OR13G1: variants seen among roughly 807,000 people sequenced by gnomAD.
OR13G1 encodes the protein olfactory receptor family 13 subfamily G member 1.
For synonymous variants in OR13G1, 128 were observed against 136.2 expected, an observed-to-expected ratio of 0.94 and a Z score of 0.42; for missense variants, 369 against 385.7, an observed-to-expected ratio of 0.96 and a Z score of 0.36.
rs974497675 is a variant in OR13G1 at position 247,671,844 on chromosome 1, A to G, written c.*274T>C. The stretch of plus-strand genomic sequence containing the variant: ...TATAGGTAAATATTTGTGTATATGC[A>G]TATATAAGTATTCGAAGTTATGTAC... On this transcript the variant is annotated 3_prime_UTR_variant, in exon 2 of 2. Coordinates refer to ENST00000642119, the MANE Select transcript of OR13G1 (RefSeq NM_001005487.2). The G allele has an allele frequency of 4.8e-6, 2 of 413,862 alleles. No homozygotes were observed. The highest frequency in any genetic ancestry group is 4.0e-5 in the African/African-American group (2 of 50,338). The allele number at this position is 413,862 out of a possible 1,614,324, so 25.6% of individuals were successfully genotyped here.
rs151260652 is a variant in OR13G1, at chr1:247,679,013, T to C, written c.-239+627A>G. Reference sequence around the variant, plus strand: ...TCACATTTACATTGTTTTCTAAGTTTTGGAAGAAATCTTTTTTTTTTTAAA... The same window carrying C: ...TCACATTTACATTGTTTTCTAAGTTCTGGAAGAAATCTTTTTTTTTTTAAA... On this transcript the variant is annotated intron_variant, in intron 1 of 1. Transcript: ENST00000642119. Among the ~76,000 whole-genome samples, 38 of 130,348 alleles carry C rather than the reference T, an allele frequency of 2.9e-4. No homozygotes were observed. In the East Asian group the frequency reaches 0.01, roughly 36 times the overall value. The allele number at this position is 130,348 out of a possible 152,430, so 85.5% of individuals were successfully genotyped here.
At position 247,672,973 on chromosome 1, in the gene OR13G1, A is replaced by T. The variant is rs770512501; in HGVS notation, c.69T>A (p.Ile23=). Residue 23 remains isoleucine, a synonymous_variant, in exon 2 of 2, where the codon ATT becomes ATA. Coordinates refer to ENST00000642119, the MANE Select transcript of OR13G1 (RefSeq NM_001005487.2). Reference sequence around the variant, plus strand: ...AGACAATGAGAAAAAAGAGGAAGATAATTCCCTGGAGTTCAGGCTTTTTGG... The same window carrying T: ...AGACAATGAGAAAAAAGAGGAAGATTATTCCCTGGAGTTCAGGCTTTTTGG... ...GLTKKPELQG[I]IFLFFLIVYL... 1.2e-6 allele frequency: 2 copies of T among 1,613,990 alleles called. No homozygotes were observed. Among genetic ancestry groups the T allele is most frequent in the South Asian group, 2.2e-5 (2 of 91,080 alleles).
At chr1:247,674,563 G>C (rs1233459308) in intron 1 of OR13G1, among the ~76,000 whole-genome samples, 1 of 152,042 alleles carries the variant, frequency 6.6e-6, no homozygotes, top group Non-Finnish European at 1.5e-5. Context: ...AGAATCTCTA[G>C]CTTTAGTATT....
chr1:247,674,800 T>A (rs940930839), intron 1 of OR13G1, among the ~76,000 whole-genome samples: 2 of 152,152 alleles, frequency 1.3e-5, no homozygotes, highest in African/African-American at 4.8e-5. Context: ...AACACCTAGA[T>A]CATCTGACTC....
intron 1 of OR13G1, among the ~76,000 whole-genome samples, chr1:247,675,834 A>G (rs1459653429): frequency 6.6e-6 from 1 of 152,208 alleles, no homozygotes; most frequent in Admixed American, 6.5e-5. Context: ...CACAGTATCC[A>G]GAAGAAGAGG....
chr1:247,678,870 C>T lies in OR13G1; in HGVS notation c.-239+770G>A, dbSNP rs78728170. Among the ~76,000 whole-genome samples, 1,309 of 152,182 alleles carry T rather than the reference C, an allele frequency of 8.6e-3. 15 individuals carry two copies. The highest frequency in any genetic ancestry group is 0.029 in the African/African-American group (1,211 of 41,524). ...GTTTTGCCACTGAAAGACCCACATCCTAGGAGACCTGTCAGTCTCAGGCAA... is the reference window on the plus strand; with the variant it reads ...GTTTTGCCACTGAAAGACCCACATCTTAGGAGACCTGTCAGTCTCAGGCAA... On this transcript the variant is annotated intron_variant, in intron 1 of 1. Transcript: ENST00000642119.
At position 247,673,018 on chromosome 1, in the gene OR13G1, C is replaced by T. The variant is rs145320282; in HGVS notation, c.24G>A (p.Glu8=). The T allele has an allele frequency of 3.7e-6, 6 of 1,612,120 alleles. No individual in the cohort carries two copies. The highest frequency in any genetic ancestry group is 2.7e-5 in the African/African-American group (2 of 74,968). The change falls in exon 2 of 2, where the codon GAG becomes GAA. Residue 8 remains glutamate (E), a synonymous_variant. Transcript: ENST00000642119. Reference sequence around the variant, plus strand: ...TTTTGGTGAGGCCCAGAATAATGAACTCAGTTACAACGCTGTGATTCATCC... The same window carrying T: ...TTTTGGTGAGGCCCAGAATAATGAATTCAGTTACAACGCTGTGATTCATCC... The part of the protein sequence containing the change: MNHSVVT[E]FIILGLTKKP...
intron 1 of OR13G1, among the ~76,000 whole-genome samples, chr1:247,676,845 G>A (rs1314599055): frequency 6.6e-6 from 1 of 152,016 alleles, no homozygotes; most frequent in Non-Finnish European, 1.5e-5. Context: ...CCTTATATGG[G>A]ACAATTTTTA....
In OR13G1 at chr1:247,673,024, T is replaced by G; in HGVS notation, c.18A>C (p.Val6=). The change falls in exon 2 of 2, where the codon GTA becomes GTC. Residue 6 remains valine (V), a synonymous_variant. Transcript: ENST00000642119. MNHSV[V]TEFIILGLTK... ...TGAGGCCCAGAATAATGAACTCAGT[T>G]ACAACGCTGTGATTCATCCTGCTTG... The G allele has an allele frequency of 6.2e-7, 1 of 1,610,474 alleles. No individual in the cohort carries two copies.
At chr1:247,679,296 C>T (rs191564054) in intron 1 of OR13G1, among the ~76,000 whole-genome samples, 12 of 152,206 alleles carry the variant, frequency 7.9e-5, no homozygotes, top group African/African-American at 2.9e-4. Flanking sequence ...CAAGCATTCC[C>T]ATAACTTGGT....
Position 247,672,498 on chromosome 1 carries a change from G to A in OR13G1, c.544C>T (p.Leu182=), listed in dbSNP as rs761993478. The A allele has an allele frequency of 6.2e-7, 1 of 1,614,160 alleles. No homozygotes were observed. Among genetic ancestry groups the A allele is most frequent in the Admixed American group, 1.7e-5 (1 of 60,010 alleles). The change falls in exon 2 of 2, where the codon CTG becomes TTG. Residue 182 remains leucine (L), a synonymous_variant. Transcript: ENST00000642119. ...CTTACAGGGCTACAGGACAAAGCCAGCAATGGGGGTATCTCACAGAAGAAG... is the reference window on the plus strand; with the variant it reads ...CTTACAGGGCTACAGGACAAAGCCAACAATGGGGGTATCTCACAGAAGAAG... ...DHFFCEIPPL[L]ALSCSPVRIN... is the part of the protein sequence containing the mutation.
Position 247,672,640 on chromosome 1 carries a change from G to T in OR13G1, c.402C>A (p.Asn134Lys). ...TGAGCAAGGCTACACACATATGGTG[G>T]TTCATAATAGTACTGTAATGAAGAG... ...CFPLHYSTIM[N>K]HHMCVALLSM... The change falls in exon 2 of 2, where the codon AAC (asparagine) becomes AAA (lysine). Residue 134 changes from asparagine to lysine, a missense_variant. By Grantham distance (94) the Asn-to-Lys change is moderately conservative. Transcript: ENST00000642119. 16 of 1,614,052 alleles carry T rather than the reference G, an allele frequency of 9.9e-6. No homozygotes were observed. The highest frequency in any genetic ancestry group is 1.4e-5 in the Non-Finnish European group (16 of 1,179,970).
intron 1 of OR13G1, among the ~76,000 whole-genome samples, chr1:247,675,244 G>A (rs998683235): frequency 3.3e-5 from 5 of 150,710 alleles, no homozygotes; most frequent in African/African-American, 1.2e-4. Flanking sequence ...GAAGAAAAAA[G>A]CTTTGTTTTT....
At chr1:247,674,688 T>C (rs28580535) in intron 1 of OR13G1, among the ~76,000 whole-genome samples, 50,237 of 151,794 alleles carry the variant, frequency 0.33, 8,261 homozygotes, top group East Asian at 0.39. Context: ...CACAAGCACA[T>C]TGAGTCTTTA....
intron 1 of OR13G1, among the ~76,000 whole-genome samples, chr1:247,675,591 GT>G (rs1659328921): frequency 6.6e-6 from 1 of 152,114 alleles, no homozygotes; most frequent in African/African-American, 2.4e-5. Context: ...GGTTTGGGTG[GT>G]TATTGTGTGT....
chr1:247,672,808 C>T lies in OR13G1; in HGVS notation c.234G>A (p.Met78Ile). 1.2e-6 allele frequency: 2 copies of T among 1,614,066 alleles called. No individual in the cohort carries two copies. The highest frequency in any genetic ancestry group is 1.7e-6 in the Non-Finnish European group (2 of 1,179,994). Residue 78 changes from methionine (M) to isoleucine (I), a missense_variant, in exon 2 of 2, where the codon ATG (methionine) becomes ATA (isoleucine). Physicochemically the swap from Met to Ile is conservative, Grantham distance 10. Coordinates refer to ENST00000642119, the MANE Select transcript of OR13G1 (RefSeq NM_001005487.2). The part of the protein sequence containing the change: ...IICTTSIIPK[M>I]LGTMLTSENT... Reference sequence around the variant, plus strand: ...TTTCTGATGTTAGCATGGTCCCCAGCATCTTCGGTATGATGCTTGTTGTGC... The same window carrying T: ...TTTCTGATGTTAGCATGGTCCCCAGTATCTTCGGTATGATGCTTGTTGTGC...
intron 1 of OR13G1, among the ~76,000 whole-genome samples, chr1:247,676,083 T>A (rs1478883443): frequency 6.6e-6 from 1 of 152,122 alleles, no homozygotes; most frequent in Non-Finnish European, 1.5e-5. Context: ...TATGGCCTAA[T>A]CTTGACCCTG....
intron 1 of OR13G1, 88 bp downstream of exon 1, chr1:247,679,552 A>G (rs1659423787): frequency 6.6e-6 from 1 of 151,370 alleles, no homozygotes; most frequent in African/African-American, 2.4e-5. Flanking sequence ...AAGGAATTAA[A>G]TATGTTACCT....
chr1:247,677,998 G>T (rs888581694), intron 1 of OR13G1, among the ~76,000 whole-genome samples: 5 of 152,128 alleles, frequency 3.3e-5, no homozygotes, highest in African/African-American at 1.2e-4. Context: ...AGCTACTCAA[G>T]AGGCTGAGGC....
Sources: allele counts gnomAD v4.1 joint callset (sites outside exome capture counted in the v4.1 genomes callset), GRCh38; gene constraint gnomAD v4.1.1; transcripts MANE v1.5; gene names NCBI Gene and HGNC (gene_info 2026-07-23, HGNC 2026-07-21).